The following TMPRSS15 variants were observed in gnomAD, a reference collection of about 807,000 sequenced individuals.
TMPRSS15 encodes enteropeptidase.
Under a neutral mutation model 125.3 loss-of-function variants are expected in TMPRSS15, and 128 were observed. That is an observed-to-expected ratio of 1.02 (90% confidence interval 0.89 to 1.18). TMPRSS15 has a LOEUF of 1.18. Ranked by LOEUF, TMPRSS15 falls within the 50% of genes most tolerant of loss-of-function variation. TMPRSS15 has a pLI of 0.00. For synonymous variants in TMPRSS15, 446 were observed against 423.2 expected (o/e 1.05, Z -0.66); for missense variants, 1,283 against 1,212.7 (o/e 1.06, Z -0.86).
At chr21:18,310,051 A>G (rs1052154072) in intron 18 of TMPRSS15, among the ~76,000 whole-genome samples, 6 of 152,142 alleles carry the variant, frequency 3.9e-5, no homozygotes, top group Non-Finnish European at 8.8e-5. Context: ...TAGGTATAGA[A>G]GGAACGTACC....
rs2075799206 is a variant in TMPRSS15 at position 18,372,270 on chromosome 21, G to T, written c.587C>A (p.Thr196Lys). 2.5e-6 allele frequency: 4 copies of T among 1,613,158 alleles called. No homozygotes were observed. Residue 196 changes from threonine to lysine, a missense_variant, in exon 6 of 25, where the codon ACG becomes AAG. Physicochemically the swap from Thr to Lys is moderately conservative, Grantham distance 78. Coordinates refer to ENST00000284885, the MANE Select transcript of TMPRSS15 (RefSeq NM_002772.3). ...PGSSPCTDAL[T>K]CIKADLFCDG... is the part of the protein sequence containing the mutation. ...ACAAAATAAATCAGCTTTTATACAC[G>T]TTAGAGCATCAGTACAAGGACTTGA...
At chr21:18,406,762 T>G (rs911460451), upstream of TMPRSS15, among the ~76,000 whole-genome samples, 5 of 152,144 alleles carry the variant, frequency 3.3e-5, no homozygotes, top group Non-Finnish European at 5.9e-5. Flanking sequence ...AATGCACACA[T>G]ACAATCTGAC....
intron 1 of TMPRSS15, among the ~76,000 whole-genome samples, chr21:18,458,759 T>C (rs768482573): frequency 5.9e-5 from 9 of 152,098 alleles, no homozygotes; most frequent in Non-Finnish European, 1.3e-4. Flanking sequence ...AACAGACCCA[T>C]GGTACTTTTC....
chr21:18,393,889 T>C (rs953994344), intron 3 of TMPRSS15, among the ~76,000 whole-genome samples: 2 of 152,198 alleles, frequency 1.3e-5, no homozygotes, highest in Non-Finnish European at 2.9e-5. Context: ...TAAAATGTCT[T>C]AATGATAGTG....
Position 18,352,942 on chromosome 21 carries a change from TA to T in TMPRSS15, c.1131del (p.Phe377LeufsTer34). ...ERIQGSTFSPFTGPNFDHTFG... is the reference protein window; with the variant it reads ...ERIQGSTFSPXTGPNFDHTFG... The stretch of plus-strand genomic sequence containing the variant: ...AAAGTGTGGTCAAAATTGGGTCCAG[TA>T]AAAGGAGAAAAGGTGCTTCCCTGAA... On this transcript the variant is annotated frameshift_variant, in exon 10 of 25. Coordinates refer to ENST00000284885, the MANE Select transcript of TMPRSS15 (RefSeq NM_002772.3). LOFTEE classifies it high-confidence loss of function. 11 of 1,612,420 alleles carry T rather than the reference TA, an allele frequency of 6.8e-6. No homozygotes were observed. Among genetic ancestry groups the T allele is most frequent in the African/African-American group, 1.3e-5 (1 of 74,934 alleles).
intron 21 of TMPRSS15, among the ~76,000 whole-genome samples, chr21:18,290,630 G>A (rs1359102602): frequency 6.6e-6 from 1 of 151,938 alleles, no homozygotes; most frequent in Non-Finnish European, 1.5e-5. Context: ...GCATCCAGAT[G>A]CAATACACTA....
At chr21:18,325,521 G>C (rs949759181) in intron 16 of TMPRSS15, among the ~76,000 whole-genome samples, 2 of 152,174 alleles carry the variant, frequency 1.3e-5, no homozygotes, top group Admixed American at 1.3e-4. Context: ...TTTTGTATTA[G>C]ATAATAGGCC....
rs944271447 is a variant in TMPRSS15, at chr21:18,313,080, A to G, written c.2033-3T>C. 6.2e-7 allele frequency: 1 copy of G among 1,608,806 alleles called. No individual in the cohort carries two copies. Among genetic ancestry groups the G allele is most frequent in the Non-Finnish European group, 8.5e-7 (1 of 1,175,260 alleles). Reference sequence around the variant, plus strand: ...CGTTGTGCCATTGAAAAAACGCACTAAAGACACAGAGAGCATAATGGTAGT... The same window carrying G: ...CGTTGTGCCATTGAAAAAACGCACTGAAGACACAGAGAGCATAATGGTAGT... On this transcript the variant is annotated splice_polypyrimidine_tract_variant and splice_region_variant and intron_variant, in intron 17 of 24. Coordinates refer to ENST00000284885, the MANE Select transcript of TMPRSS15 (RefSeq NM_002772.3).
At chr21:18,418,941 A>G (rs1252005084) in intron 1 of TMPRSS15, among the ~76,000 whole-genome samples, 1 of 152,192 alleles carries the variant, frequency 6.6e-6, no homozygotes, top group Non-Finnish European at 1.5e-5. Flanking sequence ...AAAGCCGACC[A>G]TACAAGTTAG....
At chr21:18,340,105 G>A (rs915346228) in intron 13 of TMPRSS15, among the ~76,000 whole-genome samples, 2 of 152,200 alleles carry the variant, frequency 1.3e-5, no homozygotes, top group Admixed American at 6.5e-5. Context: ...TATTGTTCCT[G>A]GGTGTGTCTA....
At chr21:18,272,617 C>T (rs1355072696) in intron 24 of TMPRSS15, among the ~76,000 whole-genome samples, 1 of 151,888 alleles carries the variant, frequency 6.6e-6, no homozygotes, top group Non-Finnish European at 1.5e-5. Flanking sequence ...CCCAGCTACT[C>T]GGGAGGCTGA....
chr21:18,304,734 G>GT (rs2075011961), intron 18 of TMPRSS15, among the ~76,000 whole-genome samples: 1 of 152,018 alleles, frequency 6.6e-6, no homozygotes. Flanking sequence ...AGCCACCAGT[G>GT]TATCTTATTA....
intron 1 of TMPRSS15, among the ~76,000 whole-genome samples, chr21:18,447,160 A>C (rs1425385148): frequency 1.3e-5 from 2 of 152,058 alleles, no homozygotes. Flanking sequence ...AAGACATACA[A>C]ATGGGCCAGG....
chr21:18,359,963 C>T, intron 7 of TMPRSS15, 100 bp from the exon 8 acceptor site: 1 of 645,400 alleles, frequency 1.5e-6, no homozygotes, highest in Non-Finnish European at 2.9e-6. Context: ...GTGAACACCA[C>T]ATAATATGAT....
rs199599399 is a variant in TMPRSS15 at position 18,394,533 on chromosome 21, GTCTC to G, written c.344+3342_344+3345del. Among the ~76,000 whole-genome samples the G allele has an allele frequency of 1.7e-3, 252 of 147,284 alleles. 1 individual carries two copies. The highest frequency in any genetic ancestry group is 5.7e-3 in the African/African-American group (230 of 40,108). On this transcript the variant is annotated intron_variant, in intron 3 of 24. Coordinates refer to ENST00000284885, the MANE Select transcript of TMPRSS15 (RefSeq NM_002772.3). ...TATGGCATTCTCTCTCTCTCTCTCT[GTCTC>G]TCTCTCTCTCTCTCTGTCTCTCTCT...
chr21:18,301,527 T>A (rs8130239), intron 18 of TMPRSS15, among the ~76,000 whole-genome samples: 1,777 of 152,322 alleles, frequency 0.012, 14 homozygotes, highest in Non-Finnish European at 0.02. Flanking sequence ...TTCTGTAATA[T>A]TTAAGCACGC....
chr21:18,272,960 G>A (rs182039963), intron 24 of TMPRSS15, among the ~76,000 whole-genome samples: 4 of 152,188 alleles, frequency 2.6e-5, no homozygotes, highest in Non-Finnish European at 5.9e-5. Context: ...AGAATCTCCT[G>A]GAAGATGTGA....
At chr21:18,336,154 G>C (rs2075390756) in intron 13 of TMPRSS15, among the ~76,000 whole-genome samples, 1 of 152,086 alleles carries the variant, frequency 6.6e-6, no homozygotes, top group Admixed American at 6.5e-5. Context: ...TAATGCAGAG[G>C]TGTTTACTGA....
intron 1 of TMPRSS15, among the ~76,000 whole-genome samples, chr21:18,422,249 G>T (rs896025255): frequency 6.6e-6 from 1 of 152,000 alleles, no homozygotes; most frequent in Non-Finnish European, 1.5e-5. Flanking sequence ...GCTTCCCAAA[G>T]TGCTGGGATT....
Sources: gnomAD v4.1 joint callset for allele counts (sites outside exome capture counted in the v4.1 genomes callset) on GRCh38, gnomAD v4.1.1 for gene constraint, MANE v1.5 for transcripts, NCBI Gene and HGNC (gene_info 2026-07-23, HGNC 2026-07-21) for gene names.